The following FOXN3 variants were observed in gnomAD, a reference collection of about 807,000 sequenced individuals.
FOXN3 encodes the protein forkhead box protein N3.
A neutral mutation model predicts 38.4 loss-of-function variants in FOXN3; 7 were observed. The observed-to-expected ratio is 0.18, with a 90% CI of 0.10 to 0.34. The LOEUF (loss-of-function observed/expected upper bound fraction) is 0.34, where lower values mean the gene tolerates loss of function less well. Among genes scored for constraint, FOXN3 ranks in the 10% least tolerant of loss-of-function variants. The pLI is 1.00. For missense variants in FOXN3, 456 were observed against 613.4 expected (o/e 0.74, Z 2.71); for synonymous variants, 230 against 242.2 (o/e 0.95, Z 0.47).
chr14:89,529,633 G>T (rs1894512651), intron 1 of FOXN3, among the ~76,000 whole-genome samples: 1 of 152,166 alleles, frequency 6.6e-6, no homozygotes, highest in Admixed American at 6.5e-5. Context: ...ACAAAAATTA[G>T]ACTCCTATCC....
intron 2 of FOXN3, among the ~76,000 whole-genome samples, chr14:89,362,984 G>A (rs933936423): frequency 6.6e-6 from 1 of 152,136 alleles, no homozygotes; most frequent in Non-Finnish European, 1.5e-5. Context: ...CACAAAGGCA[G>A]GGTCCGTTTC....
intron 3 of FOXN3, among the ~76,000 whole-genome samples, chr14:89,327,953 G>A (rs1022429178): frequency 2.6e-5 from 4 of 152,106 alleles, no homozygotes; most frequent in African/African-American, 9.7e-5. Flanking sequence ...AGCTAATCAG[G>A]GCCAGTGTCA....
chr14:89,228,848 T>A (rs904073281), intron 4 of FOXN3, among the ~76,000 whole-genome samples: 2 of 152,214 alleles, frequency 1.3e-5, no homozygotes, highest in Non-Finnish European at 1.5e-5. Flanking sequence ...AACTGTAGAT[T>A]TAAGTCCTTG....
chr14:89,599,623 G>A (rs1468417621), intron 1 of FOXN3, among the ~76,000 whole-genome samples: 1 of 151,840 alleles, frequency 6.6e-6, no homozygotes, highest in Non-Finnish European at 1.5e-5. Flanking sequence ...TCTACTGACT[G>A]ACAGATATAG....
intron 1 of FOXN3, among the ~76,000 whole-genome samples, chr14:89,582,077 T>C (rs1185881567): frequency 6.6e-6 from 1 of 152,226 alleles, no homozygotes; most frequent in African/African-American, 2.4e-5. Context: ...AACACACTAA[T>C]GTGTCCACCA....
Position 89,350,716 on chromosome 14 carries a change from T to G in FOXN3, c.636A>C (p.Pro212=), listed in dbSNP as rs1254479539. 1.2e-6 allele frequency: 2 copies of G among 1,601,790 alleles called. No individual in the cohort carries two copies. The highest frequency in any genetic ancestry group is 2.3e-5 in the East Asian group (1 of 43,688). The part of the protein sequence containing the change: ...ALKKTPYHPH[P]HVFNTPPTCP... Reference sequence around the variant, plus strand: ...AGGTGGGAGGTGTATTGAACACGTGTGGGTGTGGGTGATAAGGTGTCTTTT... The same window carrying G: ...AGGTGGGAGGTGTATTGAACACGTGGGGGTGTGGGTGATAAGGTGTCTTTT... Residue 212 remains proline, a synonymous_variant, in exon 3 of 6, where the codon CCA becomes CCC. Transcript: ENST00000557258.
At chr14:89,397,434 T>C (rs373201847) in intron 2 of FOXN3, among the ~76,000 whole-genome samples, 10 of 84,776 alleles carry the variant, frequency 1.2e-4, no homozygotes, top group African/African-American at 4.8e-4. Context: ...AAACCTAAAA[T>C]AAAAGTTAAA....
intron 1 of FOXN3, among the ~76,000 whole-genome samples, chr14:89,414,351 T>G (rs1891635362): frequency 6.6e-6 from 1 of 151,988 alleles, no homozygotes; most frequent in Non-Finnish European, 1.5e-5. Flanking sequence ...TCTATGTCTC[T>G]TAAATGTTCA....
intron 2 of FOXN3, among the ~76,000 whole-genome samples, chr14:89,369,735 G>A (rs1043383302): frequency 1.3e-5 from 2 of 151,838 alleles, no homozygotes; most frequent in Admixed American, 6.6e-5. Context: ...TCACTATCAT[G>A]AGAACAACAC....
chr14:89,452,304 T>C lies in FOXN3; in HGVS notation c.-14-39814A>G, dbSNP rs1187326398. On this transcript the variant is annotated intron_variant, in intron 1 of 6. Coordinates refer to the FOXN3 transcript ENST00000345097. ...CCCTAACAAACCTTCCAAGGAAAGATAAGGTATCCACCCTTGGTTTGACTG... is the reference window on the plus strand; with the variant it reads ...CCCTAACAAACCTTCCAAGGAAAGACAAGGTATCCACCCTTGGTTTGACTG... Among the ~76,000 whole-genome samples, 3 of 152,314 alleles carry C rather than the reference T, an allele frequency of 2.0e-5. No homozygotes were observed. In the East Asian group the frequency reaches 5.8e-4, roughly 29 times the overall value.
intron 1 of FOXN3, among the ~76,000 whole-genome samples, chr14:89,521,837 C>A (rs1437120412): frequency 1.3e-5 from 2 of 151,912 alleles, no homozygotes; most frequent in Non-Finnish European, 2.9e-5. Flanking sequence ...CCAGCCTGAA[C>A]AACACATCAA....
At position 89,448,209 on chromosome 14, in the gene FOXN3, T is replaced by C. The variant is rs1892547420; in HGVS notation, c.-14-35719A>G. On this transcript the variant is annotated intron_variant, in intron 1 of 6. Coordinates refer to the FOXN3 transcript ENST00000345097. ...TTAGAAAAAGTTGGGTTCTTCCTCA[T>C]ATAAAATCAGCTAAATAAATTCCAA... 4.6e-5 allele frequency among the ~76,000 whole-genome samples: 7 copies of C among 152,288 alleles called. No individual in the cohort carries two copies. In the South Asian group the frequency reaches 1.2e-3, roughly 27 times the overall value.
intron 2 of FOXN3, among the ~76,000 whole-genome samples, chr14:89,383,555 A>T (rs1288836224): frequency 6.6e-6 from 1 of 152,224 alleles, no homozygotes; most frequent in Non-Finnish European, 1.5e-5. Flanking sequence ...CCTGGGGAAC[A>T]TCCTTCCTTG....
intron 4 of FOXN3, among the ~76,000 whole-genome samples, chr14:89,215,518 A>G (rs1884247882): frequency 6.6e-6 from 1 of 152,238 alleles, no homozygotes; most frequent in Non-Finnish European, 1.5e-5. Context: ...AATTAATTTT[A>G]TACCCCTGAG....
At chr14:89,513,416 T>G (rs1398850354) in intron 1 of FOXN3, among the ~76,000 whole-genome samples, 1 of 151,814 alleles carries the variant, frequency 6.6e-6, no homozygotes, top group Non-Finnish European at 1.5e-5. Context: ...TTTGTTTTGT[T>G]TTTAGTAGAG....
chr14:89,343,769 GGTTT>G (rs752806929), intron 3 of FOXN3, among the ~76,000 whole-genome samples: 51 of 151,296 alleles, frequency 3.4e-4, no homozygotes, highest in Non-Finnish European at 7.2e-4. Flanking sequence ...TATTTTGGTT[GGTTT>G]GTTTGTTTTG....
At chr14:89,605,930 T>C (rs1406335201) in intron 1 of FOXN3, among the ~76,000 whole-genome samples, 2 of 151,802 alleles carry the variant, frequency 1.3e-5, no homozygotes, top group Admixed American at 1.3e-4. Context: ...GGCTGGGCAA[T>C]ATAGCAAGAC....
At chr14:89,327,086 T>C (rs1390689496) in intron 3 of FOXN3, among the ~76,000 whole-genome samples, 1 of 152,082 alleles carries the variant, frequency 6.6e-6, no homozygotes, top group Non-Finnish European at 1.5e-5. Flanking sequence ...AAAAAGCACA[T>C]GTACACATAG....
intron 1 of FOXN3, among the ~76,000 whole-genome samples, chr14:89,526,019 A>C (rs1894425945): frequency 6.6e-6 from 1 of 152,080 alleles, no homozygotes; most frequent in Non-Finnish European, 1.5e-5. Context: ...GAAAAAAAAA[A>C]GTCAAATGAT....
Sources: gnomAD v4.1 joint callset for allele counts (sites outside exome capture counted in the v4.1 genomes callset) on GRCh38, gnomAD v4.1.1 for gene constraint, MANE v1.5 for transcripts, NCBI Gene and HGNC (gene_info 2026-07-23, HGNC 2026-07-21) for gene names.